TNIK: variants seen among roughly 807,000 people sequenced by gnomAD.
The protein encoded by TNIK is TRAF2 and NCK interacting kinase.
In TNIK, 49 loss-of-function variants were observed where a neutral mutation model predicts 191.3. The ratio of observed to expected loss-of-function variants is 0.26; its 90% CI spans 0.20 to 0.32. TNIK has a LOEUF of 0.32. Ranked by LOEUF, TNIK falls within the 10% of genes least tolerant of loss-of-function variation. The probability of loss-of-function intolerance (pLI) is 1.00; values close to 1 mark genes in which losing one functional copy is unlikely to be tolerated. For synonymous variants in TNIK, 594 were observed against 600.9 expected, an observed-to-expected ratio of 0.99 and a Z score of 0.17; for missense variants, 1,155 against 1,702.3, an observed-to-expected ratio of 0.68 and a Z score of 5.66.
chr3:171,378,046 A>G (rs547161298), intron 1 of TNIK, among the ~76,000 whole-genome samples: 1 of 152,356 alleles, frequency 6.6e-6, no homozygotes, highest in South Asian at 2.1e-4. Flanking sequence ...CAGGACAGGA[A>G]ACCACAATGA....
chr3:171,459,017 G>T (rs961321615), intron 1 of TNIK, among the ~76,000 whole-genome samples: 1 of 152,260 alleles, frequency 6.6e-6, no homozygotes, highest in South Asian at 2.1e-4. Flanking sequence ...GGGAGTTGGG[G>T]GTGGGGAAGC....
At chr3:171,099,220 T>C (rs1723119431) in intron 22 of TNIK, among the ~76,000 whole-genome samples, 1 of 152,108 alleles carries the variant, frequency 6.6e-6, no homozygotes, top group African/African-American at 2.4e-5. Flanking sequence ...GTTCAATGGT[T>C]TCCAATGGCT....
intron 2 of TNIK, among the ~76,000 whole-genome samples, chr3:171,245,724 T>TA (rs1745514124): frequency 6.6e-6 from 1 of 152,262 alleles, no homozygotes; most frequent in African/African-American, 2.4e-5. Flanking sequence ...TTGCTTCTGG[T>TA]AACTTTCCTT....
At chr3:171,178,479 G>T (rs1405672832) in intron 7 of TNIK, among the ~76,000 whole-genome samples, 2 of 152,176 alleles carry the variant, frequency 1.3e-5, no homozygotes, top group Admixed American at 1.3e-4. Context: ...CTTATGCTCA[G>T]AGTGACTTTT....
At chr3:171,178,232 A>AT (rs1201168757) in intron 7 of TNIK, among the ~76,000 whole-genome samples, 2 of 152,174 alleles carry the variant, frequency 1.3e-5, no homozygotes, top group Non-Finnish European at 2.9e-5. Flanking sequence ...AGTAGGTGTT[A>AT]TTTATATTCA....
rs1430111049 is a variant in TNIK at position 171,159,192 on chromosome 3, A to G, written c.1017-1528T>C. Among the ~76,000 whole-genome samples the G allele has an allele frequency of 1.3e-5, 2 of 152,038 alleles. No individual in the cohort carries two copies. Among genetic ancestry groups the G allele is most frequent in the Non-Finnish European group, 2.9e-5 (2 of 68,018 alleles). ...TGGGGTGGGGACACCACCCAGGGCG[A>G]GAGCAGAGCGGGTGGAGGAGGGAAG... On this transcript the variant is annotated intron_variant, in intron 11 of 32. Transcript: ENST00000436636. This position sits in a 1 kb window ranked among gnomAD's most constrained non-coding sequence, Gnocchi z 4.1.
At chr3:171,231,423 GCAGTTCT>G (rs1362050017) in intron 2 of TNIK, among the ~76,000 whole-genome samples, 1 of 151,880 alleles carries the variant, frequency 6.6e-6, no homozygotes, top group Admixed American at 6.6e-5. Context: ...GGCTGAAACA[GCAGTTCT>G]CAGTGGGTCT....
chr3:171,178,303 G>A (rs927315891), intron 7 of TNIK, among the ~76,000 whole-genome samples: 1 of 152,300 alleles, frequency 6.6e-6, no homozygotes, highest in African/African-American at 2.4e-5. Context: ...TGAGGACAGG[G>A]AGACTTTTTG....
chr3:171,188,426 C>T (rs73882633), intron 7 of TNIK, among the ~76,000 whole-genome samples: 4,984 of 152,050 alleles, frequency 0.033, 259 homozygotes, highest in African/African-American at 0.11. Flanking sequence ...AATCTATTTT[C>T]CAATAATAAG....
Position 171,426,825 on chromosome 3 carries a change from G to A in TNIK, c.57+33182C>T, listed in dbSNP as rs533484348. ...GGCAAAGGTGACAGAGGAAAGGAGA[G>A]GTTAAGGTCGCTGGAGTTGGAGAGG... On this transcript the variant is annotated intron_variant, in intron 1 of 32. Transcript: ENST00000436636. Among the ~76,000 whole-genome samples the A allele has an allele frequency of 2.0e-5, 3 of 152,300 alleles. No individual in the cohort carries two copies. In the South Asian group the frequency reaches 6.2e-4, roughly 32 times the overall value.
chr3:171,349,046 T>C (rs1392682526), intron 2 of TNIK, among the ~76,000 whole-genome samples: 1 of 150,406 alleles, frequency 6.6e-6, no homozygotes, highest in Non-Finnish European at 1.5e-5. Context: ...AAGAGGTTGG[T>C]ATTGCTGAAT....
At chr3:171,119,720 TCTCA>T (rs1727356599) in intron 18 of TNIK, among the ~76,000 whole-genome samples, 9 of 151,578 alleles carry the variant, frequency 5.9e-5, no homozygotes, top group Admixed American at 5.3e-4. Flanking sequence ...CACTGCATGT[TCTCA>T]CTCATAGGTG....
intron 21 of TNIK, among the ~76,000 whole-genome samples, chr3:171,105,005 TTAAA>T (rs1223183049): frequency 6.6e-6 from 1 of 151,780 alleles, no homozygotes; most frequent in Non-Finnish European, 1.5e-5. Flanking sequence ...AAAGACTATA[TTAAA>T]TAGACTATGC....
intron 2 of TNIK, 66 bp from the exon 3 acceptor site, chr3:171,228,287 A>G: frequency 6.3e-7 from 1 of 1,585,688 alleles, no homozygotes; most frequent in East Asian, 2.2e-5. Context: ...CAATTCCAAC[A>G]ATAAAGAAAA....
chr3:171,432,331 G>C (rs1017202288), intron 1 of TNIK, among the ~76,000 whole-genome samples: 1 of 152,082 alleles, frequency 6.6e-6, no homozygotes, highest in Non-Finnish European at 1.5e-5. Context: ...ACAGCACAGA[G>C]ATCCAAACTA....
intron 1 of TNIK, among the ~76,000 whole-genome samples, chr3:171,454,009 A>G (rs1728504865): frequency 6.6e-6 from 1 of 152,224 alleles, no homozygotes; most frequent in South Asian, 2.1e-4. Flanking sequence ...GTGCAGAATA[A>G]CATTTCATTC....
chr3:171,261,868 C>T (rs962994412), intron 2 of TNIK, among the ~76,000 whole-genome samples: 25 of 152,094 alleles, frequency 1.6e-4, no homozygotes, highest in African/African-American at 5.8e-4. Flanking sequence ...GATGGTTTGC[C>T]GGGAGGAGAC....
intron 9 of TNIK, among the ~76,000 whole-genome samples, chr3:171,171,782 C>T (rs965942863): frequency 3.9e-5 from 6 of 152,104 alleles, no homozygotes; most frequent in African/African-American, 1.4e-4. Context: ...TTTACCCCTG[C>T]GAGTGGAATC....
intron 3 of TNIK, among the ~76,000 whole-genome samples, chr3:171,219,069 A>ATATAAATATATATTATATATATATAAT (rs1560278717): frequency 1.1e-5 from 1 of 89,430 alleles, no homozygotes; most frequent in Admixed American, 1.4e-4. Context: ...TATATTAAAT[A>ATATAAATATATATTATATATATATAAT]TATAAATATA....
Sources: gnomAD v4.1 joint callset for allele counts (sites outside exome capture counted in the v4.1 genomes callset) on GRCh38, gnomAD v4.1.1 for gene constraint, Gnocchi (gnomAD v3.1) non-coding constraint, MANE v1.5 for transcripts, NCBI Gene and HGNC (gene_info 2026-07-23, HGNC 2026-07-21) for gene names.